The following FHAD1 variants were observed in gnomAD, a reference collection of about 807,000 sequenced individuals.
FHAD1 encodes forkhead associated phosphopeptide binding domain 1, also known as forkhead-associated domain-containing protein 1.
In FHAD1, 146 loss-of-function variants were observed where a neutral mutation model predicts 191.3. The observed-to-expected ratio is 0.76, with a 90% CI of 0.67 to 0.88. The LOEUF is 0.88. FHAD1 is among the 40% of genes least tolerant of loss of function. FHAD1 has a pLI of 0.00. For synonymous variants in FHAD1, 616 were observed against 672.3 expected (o/e 0.92, Z 1.29); for missense variants, 1,635 against 1,785.8 (o/e 0.92, Z 1.52).
At chr1:15,256,969 T>C (rs969140859) in intron 2 of FHAD1, among the ~76,000 whole-genome samples, 1 of 152,088 alleles carries the variant, frequency 6.6e-6, no homozygotes, top group Non-Finnish European at 1.5e-5. Context: ...GATCAGAGGG[T>C]CAGGGCACAG....
At chr1:15,351,737 G>A (rs1381607116) in intron 19 of FHAD1, among the ~76,000 whole-genome samples, 3 of 152,094 alleles carry the variant, frequency 2.0e-5, no homozygotes, top group Non-Finnish European at 4.4e-5. Flanking sequence ...AGGACAGGCA[G>A]GACTTAGCTC....
At chr1:15,356,068 G>A (rs552182732) in intron 20 of FHAD1, among the ~76,000 whole-genome samples, 9 of 152,182 alleles carry the variant, frequency 5.9e-5, no homozygotes, top group African/African-American at 1.7e-4. Context: ...CCTCAGCATC[G>A]ATATCGATAA....
chr1:15,321,293 T>TAAA (rs1676169479), intron 10 of FHAD1, among the ~76,000 whole-genome samples: 1 of 152,230 alleles, frequency 6.6e-6, no homozygotes, highest in Non-Finnish European at 1.5e-5. Flanking sequence ...TTCTCTCTTT[T>TAAA]ACTTTTCTTT....
chr1:15,289,361 C>G lies in FHAD1; in HGVS notation c.301-38C>G, dbSNP rs776706083. On this transcript the variant is annotated intron_variant, in intron 3 of 33. Transcript: ENST00000688493. This position sits in a 1 kb window ranked among gnomAD's most constrained non-coding sequence, Gnocchi z 4.2. ...ACAAAGAAATGGAGACCATCCCAGC[C>G]GGTCATAACCTCCCCTGACCCTTGT... is the stretch of plus-strand genomic sequence containing the variant. 6.5e-7 allele frequency: 1 copy of G among 1,535,648 alleles called. No homozygotes were observed. Among genetic ancestry groups the G allele is most frequent in the East Asian group, 2.5e-5 (1 of 40,590 alleles).
At chr1:15,254,562 G>A (rs1647202161) in intron 2 of FHAD1, among the ~76,000 whole-genome samples, 1 of 152,056 alleles carries the variant, frequency 6.6e-6, no homozygotes, top group Non-Finnish European at 1.5e-5. Flanking sequence ...GAACTAATGA[G>A]GACAATTATT....
In FHAD1 at chr1:15,247,322, G is replaced by A; in HGVS notation, c.-88G>A. 4.3e-6 allele frequency: 1 copy of A among 230,088 alleles called. No individual in the cohort carries two copies. The highest frequency in any genetic ancestry group is 3.5e-5 in the South Asian group (1 of 28,876). The allele number at this position is 230,088 out of a possible 1,614,324, so 14.3% of individuals were successfully genotyped here. On this transcript the variant is annotated 5_prime_UTR_variant, in exon 1 of 34. Transcript: ENST00000688493. ...AGCGCGGCCGGGAGGCTTCGCCCCG[G>A]AGCTGGCCCGACGCCTCCCGAGCTG...
At position 15,296,725 on chromosome 1, in the gene FHAD1, G is replaced by T. The variant is rs376640150; in HGVS notation, c.610G>T (p.Glu204Ter). 2 of 1,552,074 alleles carry T rather than the reference G, an allele frequency of 1.3e-6. No individual in the cohort carries two copies. Among genetic ancestry groups the T allele is most frequent in the Non-Finnish European group, 1.7e-6 (2 of 1,147,104 alleles). ...GAAACTGTCAGAAAAATCAGTGGCC[G>T]AGGGGATTCCTGGGGCAGTTCCCCC... ...AMKLSEKSVAEGIPGAVPPAE... is the reference protein window; with the variant it reads ...AMKLSEKSVA The change falls in exon 5 of 34, where the codon GAG (glutamate) becomes TAG (stop). Residue 204 changes from glutamate to a stop codon, truncating the protein, a stop_gained. Transcript: ENST00000688493. LOFTEE classifies it high-confidence loss of function.
chr1:15,339,047 C>T (rs1039778778), intron 14 of FHAD1, among the ~76,000 whole-genome samples: 14 of 152,262 alleles, frequency 9.2e-5, no homozygotes, highest in African/African-American at 3.1e-4. Context: ...GACTGAGTCT[C>T]GCTCTGTCAC....
intron 14 of FHAD1, among the ~76,000 whole-genome samples, chr1:15,333,444 C>T (rs72864888): frequency 1.7e-4 from 26 of 152,236 alleles, no homozygotes; most frequent in African/African-American, 5.8e-4. Context: ...ATTCTAGATA[C>T]GGTTCTCAGC....
At chr1:15,237,823 T>C (rs1007299089) in intron 1 of FHAD1, among the ~76,000 whole-genome samples, 1 of 152,134 alleles carries the variant, frequency 6.6e-6, no homozygotes, top group Non-Finnish European at 1.5e-5. Context: ...AAACTGGACA[T>C]GTTTAGACCA....
rs1287403173 is a variant in FHAD1 at position 15,324,432 on chromosome 1, C to T, written c.1366-20C>T. The T allele has an allele frequency of 5.2e-6, 8 of 1,524,512 alleles. No homozygotes were observed. The Admixed American group carries it at 7.8e-5, about 15-fold the overall frequency. The allele number at this position is 1,524,512 out of a possible 1,614,324, so 94.4% of individuals were successfully genotyped here. On this transcript the variant is annotated intron_variant, in intron 10 of 33. Transcript: ENST00000688493. ...TATGATCACATTAGCAGCAAGTACT[C>T]GCTTTCATCGTCATTTCAGGTTGAA...
chr1:15,260,529 G>A (rs1045909049), intron 2 of FHAD1, among the ~76,000 whole-genome samples: 4 of 152,148 alleles, frequency 2.6e-5, no homozygotes, highest in African/African-American at 9.7e-5. Context: ...GAGGCTCCAG[G>A]GAATCGTCTG....
chr1:15,402,334 A>T (rs561642301), downstream of FHAD1, among the ~76,000 whole-genome samples: 53 of 152,170 alleles, frequency 3.5e-4, no homozygotes, highest in South Asian at 2.1e-3. Context: ...ACTTTTTTTT[A>T]AAATTTTTTT....
intron 3 of FHAD1, among the ~76,000 whole-genome samples, chr1:15,282,381 G>T (rs575530): frequency 0.29 from 44,402 of 152,032 alleles, 6,784 homozygotes; most frequent in Middle Eastern, 0.34. Flanking sequence ...GACTCTTTAT[G>T]GCAAATTTAT....
chr1:15,282,067 GT>G (rs1441035365), intron 3 of FHAD1, among the ~76,000 whole-genome samples: 1 of 152,152 alleles, frequency 6.6e-6, no homozygotes. Flanking sequence ...CGCACCTTCT[GT>G]TTTTGAGCAC....
At chr1:15,377,528 C>G (rs1699948690) in intron 28 of FHAD1, among the ~76,000 whole-genome samples, 1 of 152,234 alleles carries the variant, frequency 6.6e-6, no homozygotes, top group Non-Finnish European at 1.5e-5. Context: ...CGACACAACA[C>G]TGGCAGCAAT....
chr1:15,323,655 A>C (rs1160134492), intron 10 of FHAD1, among the ~76,000 whole-genome samples: 2 of 152,178 alleles, frequency 1.3e-5, no homozygotes, highest in Non-Finnish European at 2.9e-5. Flanking sequence ...GCCCTGGCTC[A>C]GCAGATGCCC....
chr1:15,365,952 G>A lies in FHAD1; in HGVS notation c.3154+19G>A. 2.0e-6 allele frequency: 3 copies of A among 1,502,790 alleles called. No homozygotes were observed. Among genetic ancestry groups the A allele is most frequent in the South Asian group, 1.2e-5 (1 of 83,024 alleles). 93.1% of individuals were successfully genotyped at this position (1,502,790 alleles called of 1,614,324 possible). A position where few individuals can be genotyped will look rare whatever the true frequency, so the allele number is the denominator to read the frequency against. Reference sequence around the variant, plus strand: ...TTGAGAGGTTTGAACAATTTCTGGTGTCTCTTGACCTCCTGACCCACTCGA... The same window carrying A: ...TTGAGAGGTTTGAACAATTTCTGGTATCTCTTGACCTCCTGACCCACTCGA... On this transcript the variant is annotated intron_variant, in intron 24 of 33. Coordinates refer to ENST00000688493, the MANE Select transcript of FHAD1 (RefSeq NM_001391957.1).
chr1:15,336,073 C>T (rs1307501804), intron 14 of FHAD1, among the ~76,000 whole-genome samples: 2 of 152,174 alleles, frequency 1.3e-5, no homozygotes, highest in African/African-American at 2.4e-5. Flanking sequence ...CAATGCACCT[C>T]TCCAACGCAC....
Sources: gnomAD v4.1 joint callset for allele counts (sites outside exome capture counted in the v4.1 genomes callset) on GRCh38, gnomAD v4.1.1 for gene constraint, Gnocchi (gnomAD v3.1) non-coding constraint, MANE v1.5 for transcripts, NCBI Gene and HGNC (gene_info 2026-07-23, HGNC 2026-07-21) for gene names.